The following GCNT2 variants were observed in gnomAD, a reference collection of about 807,000 sequenced individuals.
The protein encoded by GCNT2 is glucosaminyl (N-acetyl) transferase 2 (I blood group), also known as N-acetyllactosaminide beta-1,6-N-acetylglucosaminyl-transferase.
GCNT2 carries 34 observed loss-of-function variants against 34.2 expected under a neutral mutation model. The ratio of observed to expected loss-of-function variants is 1.00; its 90% CI spans 0.76 to 1.32. The LOEUF is 1.32. Among genes scored for constraint, GCNT2 ranks in the 40% most tolerant of loss-of-function variants. The pLI, the probability that GCNT2 is intolerant of heterozygous loss-of-function variation, is 0.00. For synonymous variants in GCNT2, 212 were observed against 188.0 expected (o/e 1.13, Z -1.04); for missense variants, 584 against 489.4 (o/e 1.19, Z -1.82).
rs11963398 is a variant in GCNT2, at chr6:10,589,078, G to A, written c.926-32273G>A. On this transcript the variant is annotated intron_variant, in intron 3 of 4. Transcript: ENST00000495262. ...GTGTGGTGTGTGTGTAGTGTGTGGC[G>A]TGTTTGTAGTGTGGTGTGTGTGTAG... is the stretch of plus-strand genomic sequence containing the variant. 6.0e-3 allele frequency among the ~76,000 whole-genome samples: 821 copies of A among 135,730 alleles called. 12 individuals are homozygous for A. The highest frequency in any genetic ancestry group is 0.02 in the African/African-American group (736 of 36,536). 89.0% of individuals were successfully genotyped at this position (135,730 alleles called of 152,430 possible).
intron 3 of GCNT2, among the ~76,000 whole-genome samples, chr6:10,583,628 C>A (rs1187718798): frequency 6.6e-6 from 1 of 152,188 alleles, no homozygotes; most frequent in Non-Finnish European, 1.5e-5. Context: ...CTGAATTACA[C>A]TGGCTGATAC....
intron 3 of GCNT2, chr6:10,557,357 A>G (rs747668291): frequency 7.5e-6 from 12 of 1,594,758 alleles, no homozygotes; most frequent in Admixed American, 3.3e-5. Flanking sequence ...GTACAATTCC[A>G]TATTTCATGC....
In GCNT2 at chr6:10,586,199, A is replaced by C. The variant is rs555880567; in HGVS notation, c.926-35152A>C. ...AAAATATATTACCATCACCTTTGCG[A>C]AGTGTCCCTTGCAAGGATTACCTGA... On this transcript the variant is annotated intron_variant, in intron 3 of 4. Transcript: ENST00000495262. The C allele has an allele frequency of 1.6e-4, 252 of 1,614,120 alleles. 3 individuals are homozygous for C. In the South Asian group the frequency reaches 2.5e-3, roughly 16 times the overall value.
chr6:10,557,321 G>C, intron 3 of GCNT2: 1 of 1,613,516 alleles, frequency 6.2e-7, no homozygotes, highest in Non-Finnish European at 8.5e-7. Flanking sequence ...GCATTTCTGG[G>C]TGACACTCAA....
intron 3 of GCNT2, chr6:10,586,913 A>G (rs1166120674): frequency 1.2e-6 from 2 of 1,606,468 alleles, no homozygotes; most frequent in Non-Finnish European, 1.7e-6. Flanking sequence ...ATAGGGTTTC[A>G]GGTAGGTACT....
chr6:10,609,617 G>A (rs9356906), intron 3 of GCNT2, among the ~76,000 whole-genome samples: 68,352 of 151,974 alleles, frequency 0.45, 16,737 homozygotes, highest in East Asian at 0.65. Flanking sequence ...CTTCCTGGCC[G>A]GAATGTGATC....
At chr6:10,561,710 G>T (rs1403858455) in intron 3 of GCNT2, among the ~76,000 whole-genome samples, 1 of 152,076 alleles carries the variant, frequency 6.6e-6, no homozygotes, top group African/African-American at 2.4e-5. Flanking sequence ...TGTGCTTTTG[G>T]AGTCTTTGCT....
intron 3 of GCNT2, among the ~76,000 whole-genome samples, chr6:10,587,376 A>G (rs1319302497): frequency 6.6e-6 from 1 of 152,200 alleles, no homozygotes; most frequent in Admixed American, 6.5e-5. Context: ...GAATCTTGGA[A>G]GCTGCTTCGG....
intron 1 of GCNT2, among the ~76,000 whole-genome samples, chr6:10,522,196 A>G (rs1335020334): frequency 2.0e-5 from 3 of 151,828 alleles, no homozygotes; most frequent in Admixed American, 6.6e-5. Flanking sequence ...CCTGAAATGT[A>G]TTTTATTTAA....
At chr6:10,569,877 CTCTT>C (rs1043069213) in intron 3 of GCNT2, among the ~76,000 whole-genome samples, 48 of 136,522 alleles carry the variant, frequency 3.5e-4, no homozygotes, top group African/African-American at 1.1e-3. Context: ...TTCTTTCTTT[CTCTT>C]TCTTTTTCTT....
intron 3 of GCNT2, among the ~76,000 whole-genome samples, chr6:10,590,391 C>T (rs1429308747): frequency 7.0e-6 from 1 of 142,010 alleles, no homozygotes; most frequent in Non-Finnish European, 1.5e-5. Context: ...GAGTGAGACT[C>T]TGTCTCAAAA....
chr6:10,587,861 G>A (rs1423096963), intron 3 of GCNT2, among the ~76,000 whole-genome samples: 1 of 152,104 alleles, frequency 6.6e-6, no homozygotes, highest in Non-Finnish European at 1.5e-5. Context: ...GTTCTCATGA[G>A]CACAGTGACC....
Position 10,529,184 on chromosome 6 carries a change from A to C in GCNT2, c.273A>C (p.Glu91Asp), listed in dbSNP as rs760024658. The change falls in exon 3 of 5, where the codon GAA becomes GAC. Residue 91 changes from glutamate to aspartate, a missense_variant. Transcript: ENST00000495262. ...SHYVTETLSE[E>D]EAGFPLAYTV... ...ATGTAACAGAAACACTCTCTGAAGA[A>C]GAGGCTGGGTTCCCTTTAGCTTACA... is the stretch of plus-strand genomic sequence containing the variant. 1 of 1,614,092 alleles carries C rather than the reference A, an allele frequency of 6.2e-7. No homozygotes were observed. The highest frequency in any genetic ancestry group is 1.3e-5 in the African/African-American group (1 of 74,948).
At chr6:10,541,095 C>T (rs1199188889) in intron 3 of GCNT2, among the ~76,000 whole-genome samples, 2 of 151,146 alleles carry the variant, frequency 1.3e-5, no homozygotes, top group African/African-American at 4.8e-5. Flanking sequence ...GTGGTTTACC[C>T]GCACAGATCA....
chr6:10,548,656 G>T (rs1341513057), intron 3 of GCNT2, among the ~76,000 whole-genome samples: 1 of 152,158 alleles, frequency 6.6e-6, no homozygotes, highest in Non-Finnish European at 1.5e-5. Context: ...TTTCTATCTG[G>T]CTTGCTTTTG....
chr6:10,584,011 A>G (rs1182179250), intron 3 of GCNT2, among the ~76,000 whole-genome samples: 1 of 152,108 alleles, frequency 6.6e-6, no homozygotes, highest in Non-Finnish European at 1.5e-5. Flanking sequence ...GAAATAAGAC[A>G]CAGAGACAAA....
chr6:10,612,752 A>T (rs1353696108), intron 3 of GCNT2, among the ~76,000 whole-genome samples: 4 of 152,210 alleles, frequency 2.6e-5, no homozygotes, highest in Non-Finnish European at 4.4e-5. Context: ...AGAGTCATAC[A>T]GTTAGTGGTA....
chr6:10,570,853 G>A (rs368772475), intron 3 of GCNT2, among the ~76,000 whole-genome samples: 1 of 152,140 alleles, frequency 6.6e-6, no homozygotes, highest in Non-Finnish European at 1.5e-5. Flanking sequence ...CAGGATTTTG[G>A]TCTGTTGGAG....
chr6:10,592,386 G>C (rs897951153), intron 3 of GCNT2, among the ~76,000 whole-genome samples: 1 of 152,150 alleles, frequency 6.6e-6, no homozygotes, highest in Non-Finnish European at 1.5e-5. Flanking sequence ...AGGGCTCTAG[G>C]CTCTTCCCAG....
Sources: gnomAD v4.1 joint callset for allele counts (sites outside exome capture counted in the v4.1 genomes callset) on GRCh38, gnomAD v4.1.1 for gene constraint, MANE v1.5 for transcripts, NCBI Gene and HGNC (gene_info 2026-07-23, HGNC 2026-07-21) for gene names.